CENPF: variants seen among roughly 807,000 people sequenced by gnomAD.
CENPF encodes the protein centromere protein F, also known as AH antigen.
Under a neutral mutation model 307.3 loss-of-function variants are expected in CENPF, and 214 were observed. That is an observed-to-expected ratio of 0.70 (90% CI 0.62 to 0.78). The LOEUF (loss-of-function observed/expected upper bound fraction) is 0.78, where lower values mean the gene tolerates loss of function less well. CENPF is among the 30% of genes least tolerant of loss of function. The pLI is 0.00. For missense variants in CENPF, 3,401 were observed against 3,483.9 expected (o/e 0.98, Z 0.60); for synonymous variants, 1,259 against 1,270.6 (o/e 0.99, Z 0.19).
chr1:214,636,779 G>A (rs1558180505), intron 10 of CENPF, among the ~76,000 whole-genome samples: 1 of 152,150 alleles, frequency 6.6e-6, no homozygotes, highest in Non-Finnish European at 1.5e-5. Flanking sequence ...TCACAAAGGG[G>A]TAATTTTGGT....
At chr1:214,657,489 A>G in intron 18 of CENPF, 80 bp downstream of exon 18, 2 of 1,104,658 alleles carry the variant, frequency 1.8e-6, no homozygotes, top group South Asian at 1.5e-5. Context: ...AGACAAAAGT[A>G]TTTGCTTTTT....
chr1:214,656,936 C>T lies in CENPF; in HGVS notation c.8489C>T (p.Thr2830Ile). 1.3e-6 allele frequency: 2 copies of T among 1,596,160 alleles called. No homozygotes were observed. The highest frequency in any genetic ancestry group is 2.2e-5 in the East Asian group (1 of 44,790). The change falls in exon 18 of 20, where the codon ACT becomes ATT. Residue 2830 changes from threonine (T) to isoleucine (I), a missense_variant. Physicochemically the swap from Thr to Ile is moderately conservative, Grantham distance 89 (BLOSUM62 -1). Coordinates refer to ENST00000366955, the MANE Select transcript of CENPF (RefSeq NM_016343.4). ...QAAQEKQKTGTVMDTKVDELT... is the reference protein window; with the variant it reads ...QAAQEKQKTGIVMDTKVDELT... ...TGTGTTGCTTTACTTTGGACAGGTA[C>T]TGTTATGGATACCAAGGTCGATGAA...
chr1:214,647,342 A>G lies in CENPF; in HGVS notation c.7772A>G (p.Lys2591Arg). ...DTLEVLQSSYKNLENELELTK... is the reference protein window; with the variant it reads ...DTLEVLQSSYRNLENELELTK... Reference sequence around the variant, plus strand: ...TTAGAAGTGCTGCAGAGTTCTTACAAGAATCTAGAGAATGAGCTTGAATTG... The same window carrying G: ...TTAGAAGTGCTGCAGAGTTCTTACAGGAATCTAGAGAATGAGCTTGAATTG... Residue 2591 changes from lysine to arginine, a missense_variant, in exon 13 of 20, where the codon AAG (lysine) becomes AGG (arginine). Physicochemically the swap from Lys to Arg is conservative, Grantham distance 26. Transcript: ENST00000366955. 1.2e-6 allele frequency: 2 copies of G among 1,612,998 alleles called. No homozygotes were observed. Among genetic ancestry groups the G allele is most frequent in the Non-Finnish European group, 1.7e-6 (2 of 1,179,556 alleles).
At chr1:214,658,413 T>C (rs563713246) in intron 18 of CENPF, among the ~76,000 whole-genome samples, 245 of 152,254 alleles carry the variant, frequency 1.6e-3, no homozygotes, top group Middle Eastern at 0.014. Context: ...CTGAAGTAGC[T>C]GTTACCATTT....
rs1204102410 is a variant in CENPF at position 214,647,196 on chromosome 1, C to T, written c.7626C>T (p.Ser2542=). 1.9e-6 allele frequency: 3 copies of T among 1,613,984 alleles called. No individual in the cohort carries two copies. The highest frequency in any genetic ancestry group is 3.3e-5 in the Admixed American group (2 of 60,010). Residue 2542 remains serine, a synonymous_variant, in exon 13 of 20, where the codon TCC becomes TCT. Coordinates refer to ENST00000366955, the MANE Select transcript of CENPF (RefSeq NM_016343.4). The part of the protein sequence containing the change: ...QDQEQLVSKL[S]QVEGEHQLWK... ...AAGAGCAGCTTGTCTCTAAACTGTC[C>T]CAGGTGGAAGGAGAGCACCAACTTT... is the stretch of plus-strand genomic sequence containing the variant.
chr1:214,651,779 C>A lies in CENPF; in HGVS notation c.8053C>A (p.Gln2685Lys). ...GAGCCTAGATTGCATGCACAAAGAC[C>A]AGGTGGAAAAGGAAGGGAAAGTGAG... ...KKSLDCMHKD[Q>K]VEKEGKVREE... Residue 2685 changes from glutamine to lysine, a missense_variant, in exon 15 of 20, where the codon CAG becomes AAG. Physicochemically the swap from Gln to Lys is moderately conservative, Grantham distance 53. Transcript: ENST00000366955. 6.2e-7 allele frequency: 1 copy of A among 1,612,868 alleles called. No homozygotes were observed. The highest frequency in any genetic ancestry group is 2.2e-5 in the East Asian group (1 of 44,770).
Position 214,641,016 on chromosome 1 carries a change from C to A in CENPF, c.2678C>A (p.Ser893Tyr), listed in dbSNP as rs778772735. 95 of 1,572,996 alleles carry A rather than the reference C, an allele frequency of 6.0e-5. No homozygotes were observed. The highest frequency in any genetic ancestry group is 7.8e-5 in the Non-Finnish European group (91 of 1,166,892). ...ATTAGTAAGTTACAGGAAGACACTT[C>A]TGCTCACCAGAATGTTGTTGCTGAA... ...QRISKLQEDTSAHQNVVAETL... is the reference protein window; with the variant it reads ...QRISKLQEDTYAHQNVVAETL... The change falls in exon 12 of 20, where the codon TCT (serine) becomes TAT (tyrosine). Residue 893 changes from serine (S) to tyrosine (Y), a missense_variant. Physicochemically the swap from Ser to Tyr is moderately radical, Grantham distance 144. Coordinates refer to ENST00000366955, the MANE Select transcript of CENPF (RefSeq NM_016343.4).
chr1:214,652,444 CTTTTTTTTTTTT>C (rs34873218), intron 15 of CENPF, among the ~76,000 whole-genome samples: 1 of 120,948 alleles, frequency 8.3e-6, no homozygotes, highest in Non-Finnish European at 1.7e-5. Flanking sequence ...TTTTTCTTTT[CTTTTTTTTTTTT>C]TTTTTGAGAC....
At position 214,640,154 on chromosome 1, in the gene CENPF, A is replaced by G. The variant is rs1553288629; in HGVS notation, c.1816A>G (p.Lys606Glu). ...KALLSALELK[K>E]KEYEELKEEK... ...CTTGCTGAGTGCTTTAGAGTTAAAA[A>G]AGAAAGAATATGAAGAATTGAAAGA... The change falls in exon 12 of 20, where the codon AAG becomes GAG. Residue 606 changes from lysine (K) to glutamate (E), a missense_variant. Lys to Glu is a moderately conservative substitution (Grantham distance 56). Coordinates refer to ENST00000366955, the MANE Select transcript of CENPF (RefSeq NM_016343.4). 3 of 1,585,064 alleles carry G rather than the reference A, an allele frequency of 1.9e-6. No individual in the cohort carries two copies. Among genetic ancestry groups the G allele is most frequent in the Non-Finnish European group, 2.6e-6 (3 of 1,172,782 alleles).
Position 214,645,135 on chromosome 1 carries a change from G to C in CENPF, c.5565G>C (p.Glu1855Asp), listed in dbSNP as rs1658250984. 1 of 1,613,666 alleles carries C rather than the reference G, an allele frequency of 6.2e-7. No individual in the cohort carries two copies. The highest frequency in any genetic ancestry group is 1.1e-5 in the South Asian group (1 of 91,022). ...AATATTTTTCTTGTGATCACCAGGA[G>C]TTACTCCAGAGAGTAGAAACTTCTG... is the stretch of plus-strand genomic sequence containing the variant. ...KLEYFSCDHQ[E>D]LLQRVETSEG... The change falls in exon 13 of 20, where the codon GAG (glutamate) becomes GAC (aspartate). Residue 1855 changes from glutamate to aspartate, a missense_variant. By Grantham distance (45) the Glu-to-Asp change is conservative. Coordinates refer to ENST00000366955, the MANE Select transcript of CENPF (RefSeq NM_016343.4).
intron 1 of CENPF, among the ~76,000 whole-genome samples, chr1:214,604,183 G>C (rs1280002564): frequency 6.6e-6 from 1 of 152,152 alleles, no homozygotes; most frequent in African/African-American, 2.4e-5. Context: ...GGTGGGGCAG[G>C]AGGAGGTCAC....
Position 214,657,007 on chromosome 1 carries a change from A to G in CENPF, c.8560A>G (p.Thr2854Ala). ...ACTGAAAGAAACTCTTGAAGAAAAA[A>G]CCAAGGAGGCAGATGAATACTTGGA... ...KELKETLEEK[T>A]KEADEYLDKY... The change falls in exon 18 of 20, where the codon ACC (threonine) becomes GCC (alanine). Residue 2854 changes from threonine (T) to alanine (A), a missense_variant. Transcript: ENST00000366955. 6.2e-7 allele frequency: 1 copy of G among 1,613,762 alleles called. No individual in the cohort carries two copies. Among genetic ancestry groups the G allele is most frequent in the Non-Finnish European group, 8.5e-7 (1 of 1,179,922 alleles).
chr1:214,637,521 C>T (rs1657995196), intron 10 of CENPF, among the ~76,000 whole-genome samples: 1 of 150,440 alleles, frequency 6.6e-6, no homozygotes. Flanking sequence ...GTATATTTGG[C>T]CATTCAGGTG....
chr1:214,621,735 T>G (rs1657510883), intron 6 of CENPF, among the ~76,000 whole-genome samples: 1 of 152,200 alleles, frequency 6.6e-6, no homozygotes, highest in African/African-American at 2.4e-5. Flanking sequence ...TTTGCTGTTG[T>G]GTAAAACTAA....
intron 5 of CENPF, among the ~76,000 whole-genome samples, chr1:214,620,398 C>G (rs1349345825): frequency 6.6e-6 from 1 of 152,166 alleles, no homozygotes; most frequent in Non-Finnish European, 1.5e-5. Context: ...AGAATAAATA[C>G]TAAGACTTAG....
Position 214,645,358 on chromosome 1 carries a change from A to G in CENPF, c.5788A>G (p.Thr1930Ala), listed in dbSNP as rs757890273. ...GGAGGCTGACTTAGAGGTAGTTCAAACAGAGAAGCTATGTTTAGAAAAAGA... is the reference window on the plus strand; with the variant it reads ...GGAGGCTGACTTAGAGGTAGTTCAAGCAGAGAAGCTATGTTTAGAAAAAGA... The part of the protein sequence containing the change: ...YLEADLEVVQ[T>A]EKLCLEKDNE... The change falls in exon 13 of 20, where the codon ACA becomes GCA. Residue 1930 changes from threonine (T) to alanine (A), a missense_variant. Coordinates refer to ENST00000366955, the MANE Select transcript of CENPF (RefSeq NM_016343.4). 1.2e-5 allele frequency: 20 copies of G among 1,614,184 alleles called. No individual in the cohort carries two copies. Among genetic ancestry groups the G allele is most frequent in the African/African-American group, 2.7e-5 (2 of 75,052 alleles).
chr1:214,633,212 G>A (rs1038037638), intron 10 of CENPF, among the ~76,000 whole-genome samples: 3 of 152,204 alleles, frequency 2.0e-5, no homozygotes, highest in African/African-American at 7.2e-5. Flanking sequence ...TGTCTTTGGA[G>A]ACTTTGTTTT....
intron 1 of CENPF, chr1:214,608,276 G>A (rs570636025): frequency 7.8e-6 from 12 of 1,544,372 alleles, no homozygotes; most frequent in East Asian, 2.4e-5. Flanking sequence ...CCCCTCTTGG[G>A]TGTGCCCAGG....
At position 214,642,553 on chromosome 1, in the gene CENPF, C is replaced by T. The variant is rs541145038; in HGVS notation, c.4215C>T (p.Ala1405=). 3.0e-5 allele frequency: 48 copies of T among 1,611,074 alleles called. No homozygotes were observed. The highest frequency in any genetic ancestry group is 3.6e-5 in the Non-Finnish European group (43 of 1,178,764). The change falls in exon 12 of 20, where the codon GCC becomes GCT. Residue 1405 remains alanine, a synonymous_variant. Transcript: ENST00000366955. ...LSDKEVQMHF[A]ELQEKFLSLQ... is the part of the protein sequence containing the mutation. ...ACAAAGAAGTTCAAATGCACTTTGC[C>T]GAATTGCAAGAGAAATTCTTATCTT... is the stretch of plus-strand genomic sequence containing the variant.
Sources: gnomAD v4.1 joint callset for allele counts (sites outside exome capture counted in the v4.1 genomes callset) on GRCh38, gnomAD v4.1.1 for gene constraint, MANE v1.5 for transcripts, NCBI Gene and HGNC (gene_info 2026-07-23, HGNC 2026-07-21) for gene names.